SAMD4B: variants seen among roughly 807,000 people sequenced by gnomAD.
SAMD4B encodes the protein protein Smaug homolog 2.
A neutral mutation model predicts 74.5 loss-of-function variants in SAMD4B; 5 were observed. The observed-to-expected ratio is 0.07, with a 90% CI of 0.04 to 0.14. The LOEUF is 0.14. SAMD4B is among the 10% of genes least tolerant of loss of function. The pLI is 1.00. For missense variants in SAMD4B, 608 were observed against 921.8 expected, an observed-to-expected ratio of 0.66 and a Z score of 4.41; for synonymous variants, 373 against 374.9, an observed-to-expected ratio of 1.00 and a Z score of 0.06.
chr19:39,381,249 C>A, intron 12 of SAMD4B, 136 bp downstream of exon 12: 1 of 1,039,526 alleles, frequency 9.6e-7, no homozygotes, highest in Non-Finnish European at 1.4e-6. Context: ...ACTCTGCACC[C>A]ATCTCCCCCA....
At chr19:39,357,786 A>T (rs73546088) in intron 3 of SAMD4B, among the ~76,000 whole-genome samples, 4,304 of 152,264 alleles carry the variant, frequency 0.028, 97 homozygotes, top group African/African-American at 0.063. Flanking sequence ...GACAGATGGG[A>T]GAGATGGAGG....
Position 39,356,810 on chromosome 19 carries a change from T to A in SAMD4B, c.-84T>A. ...TAAGCCCTGGCCCTCAGGGGAAAGG[T>A]AACAGGAGGCCAGAGCCGGGACCAT... On this transcript the variant is annotated 5_prime_UTR_variant, in exon 3 of 14. Transcript: ENST00000610417. 1.7e-6 allele frequency: 2 copies of A among 1,207,214 alleles called. No individual in the cohort carries two copies. The highest frequency in any genetic ancestry group is 2.3e-6 in the Non-Finnish European group (2 of 873,410). The allele number at this position is 1,207,214 out of a possible 1,614,324, so 74.8% of individuals were successfully genotyped here.
chr19:39,389,420 C>T (rs1379191071), downstream of SAMD4B: 2 of 1,610,468 alleles, frequency 1.2e-6, no homozygotes, highest in Non-Finnish European at 8.5e-7. The surrounding 1 kb of genome is among the most constrained non-coding windows in gnomAD (Gnocchi z 5.3). Flanking sequence ...GACCCCACTG[C>T]CCTCCTGCTT....
intron 4 of SAMD4B, among the ~76,000 whole-genome samples, chr19:39,370,680 C>T (rs1205840824): frequency 6.6e-6 from 1 of 152,202 alleles, no homozygotes; most frequent in African/African-American, 2.4e-5. Context: ...TTTTATGTAT[C>T]TGGCCTCACT....
chr19:39,372,415 C>G (rs78368230), intron 4 of SAMD4B, among the ~76,000 whole-genome samples: 3,150 of 152,268 alleles, frequency 0.021, 49 homozygotes, highest in Middle Eastern at 0.041. Flanking sequence ...ACCCTCAGAC[C>G]TCAGTGTGTG....
chr19:39,344,205 A>T (rs1196972452), intron 1 of SAMD4B, among the ~76,000 whole-genome samples: 2 of 151,878 alleles, frequency 1.3e-5, no homozygotes. Context: ...AGACCCTCAC[A>T]CACACCTAAT....
At chr19:39,364,623 CAT>C (rs1038246030) in intron 3 of SAMD4B, among the ~76,000 whole-genome samples, 1 of 152,156 alleles carries the variant, frequency 6.6e-6, no homozygotes, top group African/African-American at 2.4e-5. Flanking sequence ...TCTTCTTTCT[CAT>C]CAAGAACTGA....
chr19:39,355,771 T>C (rs1695565932), intron 2 of SAMD4B, among the ~76,000 whole-genome samples: 1 of 152,188 alleles, frequency 6.6e-6, no homozygotes, highest in African/African-American at 2.4e-5. Flanking sequence ...TTGGACACTT[T>C]GTAGCTTGTG....
downstream of SAMD4B, chr19:39,389,539 T>C: frequency 6.2e-7 from 1 of 1,614,168 alleles, no homozygotes; most frequent in Non-Finnish European, 8.5e-7. The surrounding 1 kb of genome is among the most constrained non-coding windows in gnomAD (Gnocchi z 5.3). Flanking sequence ...CAGCTGGATC[T>C]AGAAGAACTA....
At position 39,383,747 on chromosome 19, in the gene SAMD4B, G is replaced by A; in HGVS notation, c.*220G>A. ...CTCTGCTGAGGCCCGGGGAGTTGGG[G>A]GCAGCCAGGATAAAGGGGGCAGGGA... On this transcript the variant is annotated 3_prime_UTR_variant, in exon 14 of 14. Coordinates refer to ENST00000610417, the MANE Select transcript of SAMD4B (RefSeq NM_001384574.2). This position sits in a 1 kb window ranked among gnomAD's most constrained non-coding sequence, Gnocchi z 4.1. 6 of 1,526,702 alleles carry A rather than the reference G, an allele frequency of 3.9e-6. No homozygotes were observed. The highest frequency in any genetic ancestry group is 5.3e-6 in the Non-Finnish European group (6 of 1,139,104). 94.6% of individuals were successfully genotyped at this position (1,526,702 alleles called of 1,614,324 possible).
chr19:39,380,587 C>T lies in SAMD4B; in HGVS notation c.1650C>T (p.Gly550=), dbSNP rs1170742982. The change falls in exon 11 of 14, where the codon GGC becomes GGT. Residue 550 remains glycine (G), a splice_region_variant and synonymous_variant. Transcript: ENST00000610417. Reference sequence around the variant, plus strand: ...CACCCTGCCTTCTGCTCTCTCATAGCTGGGCATTCGGCTCCAACTCGCTCC... The same window carrying T: ...CACCCTGCCTTCTGCTCTCTCATAGTTGGGCATTCGGCTCCAACTCGCTCC... ...LEMQNYRQQK[G]WAFGSNSLPI... 1 of 1,614,158 alleles carries T rather than the reference C, an allele frequency of 6.2e-7. No individual in the cohort carries two copies. The highest frequency in any genetic ancestry group is 8.5e-7 in the Non-Finnish European group (1 of 1,180,012).
In SAMD4B at chr19:39,383,335, C is replaced by T. The variant is rs373541843; in HGVS notation, c.2056+44C>T. ...CCTGACCCAGCTCCCACCTACCCAGCGTCTCTGCCTCTGAACTGAGCAACT... is the reference window on the plus strand; with the variant it reads ...CCTGACCCAGCTCCCACCTACCCAGTGTCTCTGCCTCTGAACTGAGCAACT... On this transcript the variant is annotated intron_variant, in intron 13 of 13. Coordinates refer to ENST00000610417, the MANE Select transcript of SAMD4B (RefSeq NM_001384574.2). The surrounding 1 kb of genome is among the most constrained non-coding windows in gnomAD (Gnocchi z 4.1). The T allele has an allele frequency of 5.6e-6, 9 of 1,600,082 alleles. No individual in the cohort carries two copies. The highest frequency in any genetic ancestry group is 7.7e-6 in the Non-Finnish European group (9 of 1,167,292).
intron 1 of SAMD4B, chr19:39,351,203 C>G (rs953090599): frequency 1.3e-5 from 2 of 152,290 alleles, no homozygotes; most frequent in Admixed American, 6.5e-5. Context: ...AGGCTGGTCT[C>G]GAGCTCCTGA....
At chr19:39,388,605 C>T (rs747480050), downstream of SAMD4B, 4 of 1,614,118 alleles carry the variant, frequency 2.5e-6, no homozygotes, top group Non-Finnish European at 3.4e-6. Context: ...GTCCCGCTTT[C>T]GTTTCTTCAA....
intron 3 of SAMD4B, among the ~76,000 whole-genome samples, chr19:39,365,293 C>T (rs2076895081): frequency 6.6e-6 from 1 of 151,568 alleles, no homozygotes; most frequent in South Asian, 2.1e-4. Flanking sequence ...ATGGCTCACA[C>T]CTGCAATCCC....
At position 39,342,778 on chromosome 19, in the gene SAMD4B, C is replaced by T. The variant is rs371034293; in HGVS notation, c.-267+202C>T. Among the ~76,000 whole-genome samples the T allele has an allele frequency of 5.5e-4, 84 of 151,784 alleles. 2 individuals carry two copies. In the East Asian group the frequency reaches 0.014, roughly 25 times the overall value. ...CCCCGCGCCCGTCCCCAGTCTCCCT[C>T]CTGGGCCCTGGCCGAAGCTTCCCTC... is the stretch of plus-strand genomic sequence containing the variant. On this transcript the variant is annotated intron_variant, in intron 1 of 13. Transcript: ENST00000610417.
At chr19:39,390,215 A>G (rs544778363), downstream of SAMD4B, 4 of 1,613,308 alleles carry the variant, frequency 2.5e-6, no homozygotes, top group East Asian at 4.5e-5. Context: ...CTCTGCTCCC[A>G]GCCCCACTGC....
chr19:39,355,874 C>T (rs1181940951), intron 2 of SAMD4B, among the ~76,000 whole-genome samples: 1 of 152,108 alleles, frequency 6.6e-6, no homozygotes, highest in Non-Finnish European at 1.5e-5. Flanking sequence ...CTCTGGAAGT[C>T]GGGGACTTCC....
downstream of SAMD4B, chr19:39,386,431 C>A (rs755449248): frequency 1.9e-6 from 3 of 1,613,948 alleles, no homozygotes; most frequent in African/African-American, 4.0e-5. The surrounding 1 kb of genome is among the most constrained non-coding windows in gnomAD (Gnocchi z 6.1). Context: ...GAGATGAAAC[C>A]CACTTTTCCA....
Sources: gnomAD v4.1 joint callset for allele counts (sites outside exome capture counted in the v4.1 genomes callset) on GRCh38, gnomAD v4.1.1 for gene constraint, Gnocchi (gnomAD v3.1) non-coding constraint, MANE v1.5 for transcripts, NCBI Gene and HGNC (gene_info 2026-07-23, HGNC 2026-07-21) for gene names.